IGBP1: variants seen among roughly 807,000 people sequenced by gnomAD.
IGBP1 encodes the protein immunoglobulin-binding protein 1.
In IGBP1, 2 loss-of-function variants were observed where a neutral mutation model predicts 25.9. The observed-to-expected ratio is 0.08, with a 90% confidence interval of 0.03 to 0.24. The LOEUF is 0.24. Ranked by LOEUF, IGBP1 falls within the 10% of genes least tolerant of loss-of-function variation. The probability of loss-of-function intolerance (pLI) is 1.00; values close to 1 mark genes in which losing one functional copy is unlikely to be tolerated. For missense variants in IGBP1, 187 were observed against 260.4 expected (o/e 0.72, Z 1.94); for synonymous variants, 96 against 93.4 (o/e 1.03, Z -0.16).
intron 6 of IGBP1, among the ~76,000 whole-genome samples, chrX:70,157,100 A>T (rs1171010287): frequency 8.9e-6 from 1 of 112,398 alleles, no homozygotes; most frequent in Admixed American, 9.5e-5. Context: ...CCATTTAAAA[A>T]TAAATAAAAG....
chrX:70,140,614 C>T (rs1012673486), intron 3 of IGBP1, among the ~76,000 whole-genome samples: 1 of 112,060 alleles, frequency 8.9e-6, no homozygotes, highest in Non-Finnish European at 1.9e-5. Flanking sequence ...GTCCCCCAAC[C>T]CATGCCTTTA....
At chrX:70,138,205 G>A (rs1359134124) in intron 3 of IGBP1, among the ~76,000 whole-genome samples, 2 of 111,368 alleles carry the variant, frequency 1.8e-5, no homozygotes, top group Non-Finnish European at 3.8e-5. Flanking sequence ...ATTAGGCTGA[G>A]TGCGGTGGCT....
At chrX:70,148,633 G>C (rs1386472385) in intron 4 of IGBP1, 128 bp from the exon 5 acceptor site, 8 of 527,583 alleles carry the variant, frequency 1.5e-5, no homozygotes, top group Non-Finnish European at 2.7e-5. Context: ...CTATATCTTA[G>C]AGACTGATAA....
chrX:70,134,246 C>T, intron 2 of IGBP1, 111 bp downstream of exon 2: 4 of 706,844 alleles, frequency 5.7e-6, no homozygotes, highest in Non-Finnish European at 6.6e-6. Context: ...ACGTTTCGTT[C>T]CTACTTACCA....
chrX:70,133,876 C>A lies in IGBP1; in HGVS notation c.-72C>A. The A allele has an allele frequency of 1.0e-6, 1 of 985,449 alleles. No homozygotes were observed. The highest frequency in any genetic ancestry group is 1.4e-6 in the Non-Finnish European group (1 of 704,851). 81.2% of individuals were successfully genotyped at this position (985,449 alleles called of 1,213,427 possible). Reference sequence around the variant, plus strand: ...TGCTTCTTCCGGTTTTGTCCGCGCTCGCCTAATTCTTCTTTATCAAGGTTG... The same window carrying A: ...TGCTTCTTCCGGTTTTGTCCGCGCTAGCCTAATTCTTCTTTATCAAGGTTG... On this transcript the variant is annotated 5_prime_UTR_variant, in exon 2 of 7. The change creates a premature stop within an existing upstream ORF in the 5' untranslated region. Transcript: ENST00000356413.
chrX:70,155,881 TA>T (rs749359000), intron 6 of IGBP1, among the ~76,000 whole-genome samples: 374 of 112,040 alleles, frequency 3.3e-3, no homozygotes, highest in African/African-American at 0.012. Context: ...CAGGGAGACA[TA>T]GCAGTCATAA....
chrX:70,155,337 A>G (rs935920322), intron 6 of IGBP1, among the ~76,000 whole-genome samples: 31 of 110,187 alleles, frequency 2.8e-4, no homozygotes, highest in Admixed American at 2.4e-3. Flanking sequence ...TATACTAAAA[A>G]TAGAAAAATT....
rs1244620864 is a variant in IGBP1 at position 70,133,556 on chromosome X, G to C, written c.-226+16G>C. The C allele has an allele frequency of 5.4e-6, 2 of 370,083 alleles. No homozygotes were observed. Among genetic ancestry groups the C allele is most frequent in the African/African-American group, 5.2e-5 (2 of 38,748 alleles). The allele number at this position is 370,083 out of a possible 1,213,427, so 30.5% of individuals were successfully genotyped here. A position where few individuals can be genotyped will look rare whatever the true frequency, so the allele number is the denominator to read the frequency against. On this transcript the variant is annotated intron_variant, in intron 1 of 6. Transcript: ENST00000356413. ...TACTCGCGAGGTAAGGGGCGCGCCA[G>C]ACTGGCTCCTAAAACGCACTCGCTC...
At chrX:70,135,278 G>GTT (rs1008812709) in intron 3 of IGBP1, among the ~76,000 whole-genome samples, 2 of 111,301 alleles carry the variant, frequency 1.8e-5, no homozygotes, top group Non-Finnish European at 3.8e-5. Context: ...ACTTTCTTAG[G>GTT]TTTTTTTTGT....
intron 3 of IGBP1, among the ~76,000 whole-genome samples, chrX:70,145,451 C>T (rs933599996): frequency 9.0e-6 from 1 of 111,143 alleles, no homozygotes; most frequent in African/African-American, 3.3e-5. Context: ...GCCTCATAGC[C>T]CCCACAGCCC....
At chrX:70,138,288 C>T (rs1009943291) in intron 3 of IGBP1, among the ~76,000 whole-genome samples, 1 of 110,478 alleles carries the variant, frequency 9.1e-6, no homozygotes, top group Non-Finnish European at 1.9e-5. Flanking sequence ...CAAGACCAGC[C>T]TAGGCAACAA....
intron 3 of IGBP1, among the ~76,000 whole-genome samples, chrX:70,140,340 A>G (rs972635507): frequency 8.0e-5 from 9 of 112,139 alleles, no homozygotes; most frequent in African/African-American, 2.9e-4. Context: ...ATATTTAGGT[A>G]TGTTCAAAGA....
In IGBP1 at chrX:70,134,149, TAGTAATAATGGCTGAGAACGAA is replaced by T. The variant is rs1310721265; in HGVS notation, c.188+15_188+36del. ...CGACTTGTTCAGGTATGGGGGAAGA[TAGTAATAATGGCTGAGAACGAA>T]GGTAATAATGGTTACCAAGGGTGGA... is the stretch of plus-strand genomic sequence containing the variant. On this transcript the variant is annotated intron_variant, in intron 2 of 6. Coordinates refer to ENST00000356413, the MANE Select transcript of IGBP1 (RefSeq NM_001551.3). The T allele has an allele frequency of 1.7e-6, 2 of 1,196,107 alleles. No individual in the cohort carries two copies. Among genetic ancestry groups the T allele is most frequent in the Admixed American group, 2.2e-5 (1 of 46,064 alleles).
In IGBP1 at chrX:70,134,757, C is replaced by T. The variant is rs745677984; in HGVS notation, c.423C>T (p.Ser141=). 2 of 1,211,689 alleles carry T rather than the reference C, an allele frequency of 1.7e-6. No individual in the cohort carries two copies. Among genetic ancestry groups the T allele is most frequent in the African/African-American group, 3.5e-5 (2 of 57,936 alleles). Residue 141 remains serine, a synonymous_variant, in exon 3 of 7, where the codon TCC becomes TCT. Transcript: ENST00000356413. ...NNSAENHTAN[S]SMAYPSLVAM... is the part of the protein sequence containing the mutation. ...CTGCTGAAAATCACACTGCCAATTC[C>T]TCCATGGCTTATCCTAGTCTCGTTG... is the stretch of plus-strand genomic sequence containing the variant.
chrX:70,153,591 A>C, intron 6 of IGBP1, among the ~76,000 whole-genome samples: 1 of 112,585 alleles, frequency 8.9e-6, no homozygotes, highest in Non-Finnish European at 1.9e-5. Flanking sequence ...GAACCGATAC[A>C]TGTCTATTGC....
intron 6 of IGBP1, 128 bp downstream of exon 6, chrX:70,150,450 G>T (rs567657792): frequency 2.3e-5 from 12 of 513,950 alleles, no homozygotes; most frequent in Middle Eastern, 3.3e-4. Flanking sequence ...GTAATAGAAA[G>T]ATTCTAGACA....
At chrX:70,143,047 C>T (rs1013041697) in intron 3 of IGBP1, among the ~76,000 whole-genome samples, 14 of 108,056 alleles carry the variant, frequency 1.3e-4, no homozygotes, top group Middle Eastern at 4.3e-3. Flanking sequence ...CCTCAGCCTC[C>T]GAGTAGCTGG....
At chrX:70,164,436 A>G (rs936049450) in intron 6 of IGBP1, among the ~76,000 whole-genome samples, 1 of 111,694 alleles carries the variant, frequency 9.0e-6, no homozygotes, top group Non-Finnish European at 1.9e-5. Context: ...GGCACAAGGG[A>G]TCTTTTGGGG....
In IGBP1 at chrX:70,148,584, C is replaced by T. The variant is rs982845035; in HGVS notation, c.679-177C>T. On this transcript the variant is annotated intron_variant, in intron 4 of 6. Coordinates refer to ENST00000356413, the MANE Select transcript of IGBP1 (RefSeq NM_001551.3). Reference sequence around the variant, plus strand: ...TTTTTGCAAGGTACTCAGGCCCCCTCAGGAGAGCTAAGGAATCTCTACCGT... The same window carrying T: ...TTTTTGCAAGGTACTCAGGCCCCCTTAGGAGAGCTAAGGAATCTCTACCGT... 1.5e-5 allele frequency: 7 copies of T among 459,082 alleles called. 1 individual carries two copies. Among genetic ancestry groups the T allele is most frequent in the Non-Finnish European group, 2.7e-5 (7 of 257,481 alleles). 37.8% of individuals were successfully genotyped at this position (459,082 alleles called of 1,213,427 possible).
Sources: allele counts gnomAD v4.1 joint callset (sites outside exome capture counted in the v4.1 genomes callset), GRCh38; gene constraint gnomAD v4.1.1; transcripts MANE v1.5; gene names NCBI Gene and HGNC (gene_info 2026-07-23, HGNC 2026-07-21).